The following SMOC2 variants were observed in gnomAD, a reference collection of about 807,000 sequenced individuals.
SMOC2 encodes the protein SPARC-related modular calcium-binding protein 2.
A neutral mutation model predicts 61.4 loss-of-function variants in SMOC2; 39 were observed. That is an observed-to-expected ratio of 0.64 (90% confidence interval 0.49 to 0.83). The LOEUF is 0.83. Among genes scored for constraint, SMOC2 ranks in the 40% least tolerant of loss-of-function variants. SMOC2 has a pLI of 0.00. For missense variants in SMOC2, 556 were observed against 592.9 expected (o/e 0.94, Z 0.65); for synonymous variants, 247 against 239.9 (o/e 1.03, Z -0.27).
At position 168,535,908 on chromosome 6, in the gene SMOC2, A is replaced by C. The variant is rs1783720262; in HGVS notation, c.464-7717A>C. ...GGGGAAGATGGGAGGGAGACGCATG[A>C]GCAGTGACAGGGATCCTGGGGACAC... On this transcript the variant is annotated intron_variant, in intron 4 of 12. Coordinates refer to ENST00000356284, the MANE Select transcript of SMOC2 (RefSeq NM_001166412.2). The surrounding 1 kb of genome is among the most constrained non-coding windows in gnomAD (Gnocchi z 4.6). Among the ~76,000 whole-genome samples the C allele has an allele frequency of 6.7e-6, 1 of 149,702 alleles. No individual in the cohort carries two copies. Among genetic ancestry groups the C allele is most frequent in the African/African-American group, 2.5e-5 (1 of 40,368 alleles).
chr6:168,574,235 C>T (rs1208168388), intron 7 of SMOC2, among the ~76,000 whole-genome samples: 1 of 152,204 alleles, frequency 6.6e-6, no homozygotes, highest in Non-Finnish European at 1.5e-5. Context: ...GGAGGGGGGC[C>T]AGGCCCTGAG....
chr6:168,650,050 C>T (rs1053082985), intron 9 of SMOC2, among the ~76,000 whole-genome samples: 2 of 152,156 alleles, frequency 1.3e-5, no homozygotes, highest in South Asian at 2.1e-4. Context: ...GGGAAAGTCA[C>T]GCTGCAGAAT....
At chr6:168,525,951 GT>G (rs1242517165) in intron 2 of SMOC2, among the ~76,000 whole-genome samples, 55 of 152,288 alleles carry the variant, frequency 3.6e-4, no homozygotes, top group Non-Finnish European at 6.8e-4. Flanking sequence ...GTGTGTTCAG[GT>G]GGTCGTCCTT....
At chr6:168,560,054 CCA>C (rs1344184255) in intron 7 of SMOC2, among the ~76,000 whole-genome samples, 1 of 152,198 alleles carries the variant, frequency 6.6e-6, no homozygotes, top group Admixed American at 6.5e-5. Context: ...ATGTGTGTAA[CCA>C]CACATGTACT....
chr6:168,573,733 C>T (rs1784729092), intron 7 of SMOC2, among the ~76,000 whole-genome samples: 3 of 152,210 alleles, frequency 2.0e-5, no homozygotes, highest in Admixed American at 6.5e-5. Context: ...CAGGACCCCG[C>T]CTCCCCACCC....
At position 168,547,127 on chromosome 6, in the gene SMOC2, G is replaced by A. The variant is rs188048748; in HGVS notation, c.520G>A (p.Ala174Thr). The change falls in exon 6 of 13, where the codon GCA becomes ACA. Residue 174 changes from alanine to threonine, a missense_variant. Coordinates refer to ENST00000356284, the MANE Select transcript of SMOC2 (RefSeq NM_001166412.2). The stretch of plus-strand genomic sequence containing the variant: ...TTCCGTTCTGAATTCAGATGATGCC[G>A]CAGCTCCAGCGTTGGAGACTCAGCC... ...REGTGKTDDA[A>T]APALETQPQG... is the part of the protein sequence containing the mutation. 2.1e-5 allele frequency: 34 copies of A among 1,614,028 alleles called. No individual in the cohort carries two copies. The highest frequency in any genetic ancestry group is 6.7e-5 in the Admixed American group (4 of 60,010).
intron 1 of SMOC2, among the ~76,000 whole-genome samples, chr6:168,488,553 A>G (rs1782387488): frequency 6.6e-6 from 1 of 152,220 alleles, no homozygotes; most frequent in Non-Finnish European, 1.5e-5. Flanking sequence ...GCTGAAAGCC[A>G]GGGCACTGTG....
In SMOC2 at chr6:168,599,122, ACACT is replaced by A. The variant is rs565773651; in HGVS notation, c.824+122_824+125del. 582 of 781,318 alleles carry A rather than the reference ACACT, an allele frequency of 7.4e-4. 1 individual carries two copies. The highest frequency in any genetic ancestry group is 6.2e-3 in the African/African-American group (349 of 56,378). 48.4% of individuals were successfully genotyped at this position (781,318 alleles called of 1,614,324 possible). ...CCGACACACAGTCACACACACACTC[ACACT>A]CACACACACTGATACCACACACATA... On this transcript the variant is annotated intron_variant, in intron 8 of 12. Transcript: ENST00000356284.
At chr6:168,551,557 G>T (rs1051939868) in intron 7 of SMOC2, among the ~76,000 whole-genome samples, 1 of 151,896 alleles carries the variant, frequency 6.6e-6, no homozygotes, top group Non-Finnish European at 1.5e-5. Context: ...AGGTTCAAGC[G>T]ATTCTCCTGC....
At chr6:168,575,321 C>G (rs1411000349) in intron 7 of SMOC2, among the ~76,000 whole-genome samples, 2 of 152,176 alleles carry the variant, frequency 1.3e-5, no homozygotes, top group Non-Finnish European at 2.9e-5. Flanking sequence ...TTTTTCCCTC[C>G]TTAGATTCCC....
At chr6:168,509,447 A>G (rs965508382) in intron 1 of SMOC2, among the ~76,000 whole-genome samples, 2 of 152,234 alleles carry the variant, frequency 1.3e-5, no homozygotes, top group Non-Finnish European at 2.9e-5. Flanking sequence ...GTGTGGCACC[A>G]TTTAAATCAG....
chr6:168,564,496 A>G (rs1200135913), intron 7 of SMOC2, among the ~76,000 whole-genome samples: 1 of 152,198 alleles, frequency 6.6e-6, no homozygotes, highest in Non-Finnish European at 1.5e-5. Flanking sequence ...TTTCAGAGGT[A>G]AACATTCTAG....
rs1433966421 is a variant in SMOC2 at position 168,544,577 on chromosome 6, G to T, written c.511+905G>T. On this transcript the variant is annotated intron_variant, in intron 5 of 12. Transcript: ENST00000356284. The surrounding 1 kb of genome is among the most constrained non-coding windows in gnomAD (Gnocchi z 4.1). ...AATCCCAGGTAGTCAGGAGGTTGAGGCAGGAGAATTGCTTGAGCCCAGGAG... is the reference window on the plus strand; with the variant it reads ...AATCCCAGGTAGTCAGGAGGTTGAGTCAGGAGAATTGCTTGAGCCCAGGAG... 6.6e-6 allele frequency among the ~76,000 whole-genome samples: 1 copy of T among 152,158 alleles called. No homozygotes were observed. The highest frequency in any genetic ancestry group is 2.4e-5 in the African/African-American group (1 of 41,438).
intron 4 of SMOC2, among the ~76,000 whole-genome samples, chr6:168,531,581 A>G (rs1783603595): frequency 6.6e-6 from 1 of 152,182 alleles, no homozygotes; most frequent in South Asian, 2.1e-4. Context: ...GAACAGGAAA[A>G]TTAAGGTTTG....
At chr6:168,448,565 A>G (rs1781387910) in intron 1 of SMOC2, among the ~76,000 whole-genome samples, 1 of 140,376 alleles carries the variant, frequency 7.1e-6, no homozygotes, top group African/African-American at 2.7e-5. Context: ...GGGGAGGAGG[A>G]CAGAACTGGG....
At chr6:168,597,016 A>G (rs1255460414) in intron 7 of SMOC2, among the ~76,000 whole-genome samples, 1 of 152,252 alleles carries the variant, frequency 6.6e-6, no homozygotes, top group Non-Finnish European at 1.5e-5. Flanking sequence ...AAATGTTGAT[A>G]AGAGCATTGT....
At chr6:168,590,862 C>T (rs1442460175) in intron 7 of SMOC2, among the ~76,000 whole-genome samples, 1 of 152,140 alleles carries the variant, frequency 6.6e-6, no homozygotes, top group Non-Finnish European at 1.5e-5. Context: ...TTATAAGTCA[C>T]AAGCATCTAA....
intron 1 of SMOC2, among the ~76,000 whole-genome samples, chr6:168,506,442 T>C (rs1037897740): frequency 6.6e-6 from 1 of 152,256 alleles, no homozygotes; most frequent in Non-Finnish European, 1.5e-5. Flanking sequence ...TTAATCAATA[T>C]TATAAGGAGA....
chr6:168,549,293 C>G, intron 7 of SMOC2, 90 bp downstream of exon 7: 1 of 1,243,876 alleles, frequency 8.0e-7, no homozygotes, highest in South Asian at 1.2e-5. Context: ...GTGTATTGTA[C>G]AGTTGACCCT....
Sources: gnomAD v4.1 joint callset for allele counts (sites outside exome capture counted in the v4.1 genomes callset) on GRCh38, gnomAD v4.1.1 for gene constraint, Gnocchi (gnomAD v3.1) non-coding constraint, MANE v1.5 for transcripts, NCBI Gene and HGNC (gene_info 2026-07-23, HGNC 2026-07-21) for gene names.